Variants in PNPLA3 observed in about 807,000 individuals in gnomAD.
PNPLA3 encodes patatin like domain 3, 1-acylglycerol-3-phosphate O-acyltransferase.
In PNPLA3, 42 loss-of-function variants were observed where a neutral mutation model predicts 43.1. That is an observed-to-expected ratio of 0.97 (90% CI 0.76 to 1.26). PNPLA3 has a LOEUF of 1.26. PNPLA3 is among the 50% of genes most tolerant of loss of function. The probability of loss-of-function intolerance (pLI) is 0.00; values close to 1 mark genes in which losing one functional copy is unlikely to be tolerated. For synonymous variants in PNPLA3, 272 were observed against 253.6 expected, an observed-to-expected ratio of 1.07 and a Z score of -0.69; for missense variants, 647 against 621.4, an observed-to-expected ratio of 1.04 and a Z score of -0.44.
chr22:43,946,075 A>G (rs918796247), intron 8 of PNPLA3, 79 bp from the exon 9 acceptor site: 37 of 1,353,862 alleles, frequency 2.7e-5, no homozygotes, highest in Non-Finnish European at 3.7e-5. Context: ...CTGGCCGGCA[A>G]TGTGGGTCCA....
chr22:43,945,499 A>G (rs1442292443), intron 8 of PNPLA3, among the ~76,000 whole-genome samples: 1 of 152,132 alleles, frequency 6.6e-6, no homozygotes, highest in Non-Finnish European at 1.5e-5. Context: ...GGTTTCCGTG[A>G]GCTCCTGAGA....
At chr22:43,937,344 C>A in intron 6 of PNPLA3, 72 bp downstream of exon 6, 1 of 1,421,320 alleles carries the variant, frequency 7.0e-7, no homozygotes, top group Non-Finnish European at 9.7e-7. Flanking sequence ...GAAGATGGTA[C>A]TGCCACATGG....
rs2049904430 is a variant in PNPLA3, at chr22:43,924,042, T to C, written c.131T>C (p.Phe44Ser). 6.3e-7 allele frequency: 1 copy of C among 1,580,216 alleles called. No homozygotes were observed. Among genetic ancestry groups the C allele is most frequent in the South Asian group, 1.1e-5 (1 of 88,566 alleles). The change falls in exon 1 of 9, where the codon TTC becomes TCC. Residue 44 changes from phenylalanine (F) to serine (S), a missense_variant. Coordinates refer to ENST00000216180, the MANE Select transcript of PNPLA3 (RefSeq NM_025225.3). ...CTCCTCCGCGACGCGCGCATGTTGTTCGGCGCTTCGGCCGGGGCGTTGCAC... is the reference window on the plus strand; with the variant it reads ...CTCCTCCGCGACGCGCGCATGTTGTCCGGCGCTTCGGCCGGGGCGTTGCAC... ...PHLLRDARML[F>S]GASAGALHCV...
intron 3 of PNPLA3, among the ~76,000 whole-genome samples, chr22:43,932,432 A>G (rs1158146174): frequency 6.6e-6 from 1 of 152,206 alleles, no homozygotes; most frequent in Non-Finnish European, 1.5e-5. Flanking sequence ...TGCAAGCAGC[A>G]AAGGGGTCTG....
At chr22:43,926,663 C>T (rs1307802555) in intron 1 of PNPLA3, among the ~76,000 whole-genome samples, 1 of 151,938 alleles carries the variant, frequency 6.6e-6, no homozygotes, top group Non-Finnish European at 1.5e-5. Flanking sequence ...CCCAATATAT[C>T]CAAAATAATA....
Position 43,947,185 on chromosome 22 carries a change from C to A in PNPLA3, c.*803C>A, listed in dbSNP as rs985045161. ...ACCAGTCTGGCCAACATAGCAAAAC[C>A]CTGTCTCTACTAAAAATACAAAAAT... is the stretch of plus-strand genomic sequence containing the variant. On this transcript the variant is annotated 3_prime_UTR_variant, in exon 9 of 9. Transcript: ENST00000216180. 1.8e-5 allele frequency: 3 copies of A among 165,434 alleles called. No homozygotes were observed. Among genetic ancestry groups the A allele is most frequent in the Admixed American group, 1.1e-4 (2 of 17,726 alleles). The allele number at this position is 165,434 out of a possible 1,614,324, so 10.2% of individuals were successfully genotyped here. A position where few individuals can be genotyped will look rare whatever the true frequency, so the allele number is the denominator to read the frequency against.
chr22:43,945,473 C>T (rs1025573801), intron 8 of PNPLA3, among the ~76,000 whole-genome samples: 1 of 152,190 alleles, frequency 6.6e-6, no homozygotes, highest in African/African-American at 2.4e-5. Context: ...CAGGGGTGAT[C>T]CCCATCCCCT....
chr22:43,943,598 C>T (rs758008830), intron 7 of PNPLA3, among the ~76,000 whole-genome samples: 33 of 152,282 alleles, frequency 2.2e-4, no homozygotes, highest in Middle Eastern at 3.4e-3. Flanking sequence ...GCTCCTTCCT[C>T]GTTGCTCTTG....
At chr22:43,925,684 AG>A (rs778068344) in intron 1 of PNPLA3, among the ~76,000 whole-genome samples, 6 of 152,144 alleles carry the variant, frequency 3.9e-5, no homozygotes, top group Admixed American at 1.3e-4. Flanking sequence ...CCCCTAAGCC[AG>A]GGGGAGAGGA....
intron 7 of PNPLA3, among the ~76,000 whole-genome samples, chr22:43,943,676 A>G (rs1267214100): frequency 6.6e-6 from 1 of 152,202 alleles, no homozygotes; most frequent in Non-Finnish European, 1.5e-5. Flanking sequence ...ACTGGGAAAC[A>G]TAGGGTGGTT....
chr22:43,930,694 G>T (rs1209414952), intron 3 of PNPLA3, among the ~76,000 whole-genome samples: 2 of 152,314 alleles, frequency 1.3e-5, no homozygotes, highest in East Asian at 3.9e-4. Context: ...CAGTGAATAT[G>T]TGCATTGGCT....
chr22:43,930,835 A>G (rs1344928064), intron 3 of PNPLA3, among the ~76,000 whole-genome samples: 1 of 152,078 alleles, frequency 6.6e-6, no homozygotes, highest in Admixed American at 6.6e-5. Flanking sequence ...CCCTCTGGGG[A>G]TGTCTGGCCA....
intron 7 of PNPLA3, among the ~76,000 whole-genome samples, chr22:43,941,417 A>T (rs2050030595): frequency 6.6e-6 from 1 of 151,954 alleles, no homozygotes; most frequent in Non-Finnish European, 1.5e-5. Context: ...TCCTGGCTGC[A>T]TTGCTTACTA....
chr22:43,942,904 T>G (rs897826422), intron 7 of PNPLA3, among the ~76,000 whole-genome samples: 4 of 152,090 alleles, frequency 2.6e-5, no homozygotes. Context: ...GGGATCTTAC[T>G]ATGTTGCCCA....
At chr22:43,928,957 C>A in intron 3 of PNPLA3, 68 bp downstream of exon 3, 2 of 1,452,850 alleles carry the variant, frequency 1.4e-6, no homozygotes, top group South Asian at 1.1e-5. Flanking sequence ...CATCTCCTGC[C>A]TGCAGGGCAC....
At position 43,944,696 on chromosome 22, in the gene PNPLA3, T is replaced by C; in HGVS notation, c.1118T>C (p.Val373Ala). Residue 373 changes from valine (V) to alanine (A), a missense_variant, in exon 8 of 9, where the codon GTG (valine) becomes GCG (alanine). Val to Ala is a moderately conservative substitution (Grantham distance 64). Coordinates refer to ENST00000216180, the MANE Select transcript of PNPLA3 (RefSeq NM_025225.3). ...ACTTGGTCTCATCTCTGCAGACTGG[T>C]GACATGGCTTCCAGATATGCCCGAC... ...ESAIAIVQRL[V>A]TWLPDMPDDV... is the part of the protein sequence containing the mutation. The C allele has an allele frequency of 5.0e-6, 8 of 1,614,162 alleles. No homozygotes were observed. The highest frequency in any genetic ancestry group is 6.8e-6 in the Non-Finnish European group (8 of 1,179,974).
chr22:43,943,504 C>A (rs2050044241), intron 7 of PNPLA3, among the ~76,000 whole-genome samples: 2 of 152,146 alleles, frequency 1.3e-5, no homozygotes, highest in Admixed American at 6.5e-5. Flanking sequence ...CCGTGCTCTG[C>A]CTGTTTCATC....
At chr22:43,929,431 G>C (rs868483587) in intron 3 of PNPLA3, among the ~76,000 whole-genome samples, 3 of 146,558 alleles carry the variant, frequency 2.0e-5, no homozygotes, top group African/African-American at 7.6e-5. Flanking sequence ...AGCCAAGATC[G>C]CACCACTGCA....
At chr22:43,926,415 A>T (rs913525915) in intron 1 of PNPLA3, among the ~76,000 whole-genome samples, 2 of 152,170 alleles carry the variant, frequency 1.3e-5, no homozygotes, top group African/African-American at 4.8e-5. Context: ...CATTAAGGCC[A>T]TCTACACCAA....
Sources: allele counts gnomAD v4.1 joint callset (sites outside exome capture counted in the v4.1 genomes callset), GRCh38; gene constraint gnomAD v4.1.1; transcripts MANE v1.5; gene names NCBI Gene and HGNC (gene_info 2026-07-23, HGNC 2026-07-21).